Variants in MLIP observed in about 807,000 individuals in gnomAD.
MLIP encodes muscular LMNA-interacting protein.
A neutral mutation model predicts 84.8 loss-of-function variants in MLIP; 79 were observed. The observed-to-expected ratio is 0.93, with a 90% CI of 0.78 to 1.12. The LOEUF is 1.12. MLIP is among the 50% of genes most tolerant of loss of function. The pLI is 0.00. For missense variants in MLIP, 1,257 were observed against 1,160.6 expected, an observed-to-expected ratio of 1.08 and a Z score of -1.21; for synonymous variants, 504 against 463.0, an observed-to-expected ratio of 1.09 and a Z score of -1.14.
chr6:54,117,151 A>G (rs1769993319), intron 1 of MLIP, among the ~76,000 whole-genome samples: 1 of 152,046 alleles, frequency 6.6e-6, no homozygotes, highest in Non-Finnish European at 1.5e-5. Flanking sequence ...GAATGGGGAA[A>G]AGCTGAAAGG....
At chr6:54,115,455 A>G (rs1769831079) in intron 1 of MLIP, among the ~76,000 whole-genome samples, 1 of 152,202 alleles carries the variant, frequency 6.6e-6, no homozygotes, top group African/African-American at 2.4e-5. Context: ...GGGGGATAGT[A>G]TGGAGCGATA....
chr6:54,062,941 G>A (rs1307946713), intron 1 of MLIP, among the ~76,000 whole-genome samples: 1 of 152,150 alleles, frequency 6.6e-6, no homozygotes. Flanking sequence ...AATGGCTCAT[G>A]CCTGTAATCC....
intron 11 of MLIP, among the ~76,000 whole-genome samples, chr6:54,210,075 T>G (rs1231277873): frequency 3.3e-5 from 5 of 152,248 alleles, no homozygotes; most frequent in Non-Finnish European, 7.3e-5. Flanking sequence ...AAGAAATTAA[T>G]TTAGCTTCAA....
At chr6:54,038,463 T>C (rs1026654811) in intron 1 of MLIP, among the ~76,000 whole-genome samples, 13 of 152,064 alleles carry the variant, frequency 8.5e-5, no homozygotes, top group Non-Finnish European at 1.9e-4. Context: ...ATTCAATTTA[T>C]TAAAAACTCT....
Position 54,202,180 on chromosome 6 carries a change from C to T in MLIP, c.2665C>T (p.Pro889Ser). ...GAAAAAAGAGGAGGAAGTCTATGAA[C>T]CCAACCCTTTCAGTAAATACTTGGA... The part of the protein sequence containing the change: ...LLKKEEEVYE[P>S]NPFSKYLEDN... The change falls in exon 11 of 14, where the codon CCC (proline) becomes TCC (serine). Residue 889 changes from proline to serine, a missense_variant. Physicochemically the swap from Pro to Ser is moderately conservative, Grantham distance 74 (BLOSUM62 -1). Transcript: ENST00000502396. 1 of 1,596,810 alleles carries T rather than the reference C, an allele frequency of 6.3e-7. No homozygotes were observed. Among genetic ancestry groups the T allele is most frequent in the East Asian group, 2.3e-5 (1 of 44,236 alleles).
chr6:54,134,577 A>C (rs1771649675), intron 3 of MLIP, among the ~76,000 whole-genome samples: 1 of 151,924 alleles, frequency 6.6e-6, no homozygotes, highest in South Asian at 2.1e-4. Flanking sequence ...GTATAATAAA[A>C]TTCTGAGATA....
intron 2 of MLIP, among the ~76,000 whole-genome samples, chr6:54,122,477 ATTGC>A (rs1254576339): frequency 1.3e-5 from 2 of 152,212 alleles, no homozygotes; most frequent in Non-Finnish European, 2.9e-5. Flanking sequence ...GTGTTTTAAC[ATTGC>A]TTACTTATAA....
chr6:54,243,980 A>G (rs896666999), intron 12 of MLIP, among the ~76,000 whole-genome samples: 13 of 152,166 alleles, frequency 8.5e-5, no homozygotes, highest in African/African-American at 3.1e-4. Flanking sequence ...AGGCACCAAC[A>G]TTCTTTTGGC....
chr6:54,212,827 A>G (rs1779557748), intron 11 of MLIP, among the ~76,000 whole-genome samples: 1 of 152,254 alleles, frequency 6.6e-6, no homozygotes, highest in East Asian at 1.9e-4. Flanking sequence ...AAATACACAC[A>G]CATACATATT....
chr6:54,254,995 T>C (rs572583565), intron 12 of MLIP, among the ~76,000 whole-genome samples: 1 of 152,190 alleles, frequency 6.6e-6, no homozygotes, highest in Admixed American at 6.6e-5. Context: ...ATCTGACATA[T>C]AAGCTCCATT....
intron 13 of MLIP, among the ~76,000 whole-genome samples, chr6:54,257,887 T>C (rs1393704246): frequency 6.6e-6 from 1 of 152,110 alleles, no homozygotes; most frequent in African/African-American, 2.4e-5. Context: ...CTACATTTCA[T>C]GTAAATGTTT....
chr6:54,037,005 G>C (rs889608459), intron 1 of MLIP, among the ~76,000 whole-genome samples: 1 of 152,024 alleles, frequency 6.6e-6, no homozygotes, highest in Non-Finnish European at 1.5e-5. Flanking sequence ...TATTCTTGCA[G>C]TATTACCCTT....
intron 9 of MLIP, among the ~76,000 whole-genome samples, chr6:54,187,681 T>C (rs1472329503): frequency 6.6e-6 from 1 of 152,064 alleles, no homozygotes; most frequent in Non-Finnish European, 1.5e-5. Flanking sequence ...TTGAGATAAA[T>C]GGGAGAGGAT....
chr6:54,210,886 C>G (rs1174240823), intron 11 of MLIP, among the ~76,000 whole-genome samples: 1 of 151,820 alleles, frequency 6.6e-6, no homozygotes. Context: ...AAAAAACTAC[C>G]TTTGTTAAGT....
intron 1 of MLIP, among the ~76,000 whole-genome samples, chr6:54,077,905 T>C (rs1582086762): frequency 6.6e-6 from 1 of 152,348 alleles, no homozygotes; most frequent in East Asian, 1.9e-4. Flanking sequence ...GAGCATTTTT[T>C]CGTGGATGAG....
intron 11 of MLIP, among the ~76,000 whole-genome samples, chr6:54,230,214 A>T (rs1295361938): frequency 6.6e-6 from 1 of 152,124 alleles, no homozygotes; most frequent in Non-Finnish European, 1.5e-5. Flanking sequence ...CTCAACTCCG[A>T]AACTTATTGT....
chr6:54,079,433 A>C, intron 1 of MLIP: 1 of 152,164 alleles, frequency 6.6e-6, no homozygotes, highest in East Asian at 1.9e-4. Flanking sequence ...CTCATTCTCT[A>C]TTTTAATAAT....
intron 11 of MLIP, among the ~76,000 whole-genome samples, chr6:54,221,854 G>A (rs1406733423): frequency 6.6e-6 from 1 of 151,690 alleles, no homozygotes; most frequent in Non-Finnish European, 1.5e-5. Flanking sequence ...TATACATTAA[G>A]CTAAAAAAGA....
intron 5 of MLIP, among the ~76,000 whole-genome samples, chr6:54,151,909 C>T (rs1773484340): frequency 6.6e-6 from 1 of 152,118 alleles, no homozygotes; most frequent in Non-Finnish European, 1.5e-5. Flanking sequence ...CAGTTTTAAT[C>T]AACCCTGGAT....
Sources: gnomAD v4.1 joint callset for allele counts (sites outside exome capture counted in the v4.1 genomes callset) on GRCh38, gnomAD v4.1.1 for gene constraint, MANE v1.5 for transcripts, NCBI Gene and HGNC (gene_info 2026-07-23, HGNC 2026-07-21) for gene names.